The following NFIB variants were observed in gnomAD, a reference collection of about 807,000 sequenced individuals.
The protein encoded by NFIB is nuclear factor I B, also known as nuclear factor 1 B-type.
NFIB carries 11 observed loss-of-function variants against 61.5 expected under a neutral mutation model. The observed-to-expected ratio is 0.18, with a 90% CI of 0.11 to 0.30. The LOEUF is 0.30. Among genes scored for constraint, NFIB ranks in the 10% least tolerant of loss-of-function variants. The pLI is 1.00. For missense variants in NFIB, 471 were observed against 608.9 expected, an observed-to-expected ratio of 0.77 and a Z score of 2.38; for synonymous variants, 260 against 216.5, an observed-to-expected ratio of 1.20 and a Z score of -1.76.
At chr9:14,198,439 G>A (rs539597744) in intron 2 of NFIB, among the ~76,000 whole-genome samples, 4 of 152,338 alleles carry the variant, frequency 2.6e-5, no homozygotes, top group South Asian at 2.1e-4. Flanking sequence ...TTTGTTGTCA[G>A]TGGAGATCTG....
chr9:14,271,747 G>C (rs908153479), intron 2 of NFIB, among the ~76,000 whole-genome samples: 5 of 152,096 alleles, frequency 3.3e-5, no homozygotes, highest in Non-Finnish European at 5.9e-5. Context: ...AACACTGTAA[G>C]GTTGAATAAT....
At chr9:14,288,794 G>A (rs1315551173) in intron 2 of NFIB, among the ~76,000 whole-genome samples, 1 of 151,932 alleles carries the variant, frequency 6.6e-6, no homozygotes, top group Non-Finnish European at 1.5e-5. Context: ...ACTCGGACAA[G>A]GCCATCAGTA....
chr9:14,389,239 T>C (rs906580906), intron 1 of NFIB, among the ~76,000 whole-genome samples: 2 of 152,200 alleles, frequency 1.3e-5, no homozygotes, highest in Admixed American at 1.3e-4. Context: ...TATCTTTTCC[T>C]GGTGCTCATG....
At chr9:14,340,172 A>G (rs1395894357) in intron 1 of NFIB, among the ~76,000 whole-genome samples, 1 of 152,190 alleles carries the variant, frequency 6.6e-6, no homozygotes, top group Non-Finnish European at 1.5e-5. Context: ...TTGCTTCTAG[A>G]GGTTCTGATC....
chr9:14,417,844 G>A, the NFIB span, among the ~76,000 whole-genome samples: 5 of 142,952 alleles, frequency 3.5e-5, no homozygotes, highest in African/African-American at 5.2e-5. Flanking sequence ...GCAATGGTGC[G>A]ATCTCGGCTC....
At chr9:14,362,349 C>G (rs1248908151) in intron 1 of NFIB, 1 of 152,184 alleles carries the variant, frequency 6.6e-6, no homozygotes, top group African/African-American at 2.4e-5. Context: ...CCAACTCTGC[C>G]TGCCATAGTT....
chr9:14,477,477 C>T, the NFIB span, among the ~76,000 whole-genome samples: 1 of 152,130 alleles, frequency 6.6e-6, no homozygotes, highest in Non-Finnish European at 1.5e-5. Context: ...TTTTGAAATG[C>T]TTATCCATTT....
At chr9:14,167,790 T>C (rs1357227667) in intron 3 of NFIB, among the ~76,000 whole-genome samples, 2 of 152,188 alleles carry the variant, frequency 1.3e-5, no homozygotes, top group Non-Finnish European at 2.9e-5. Flanking sequence ...TCTAGAATGT[T>C]ATCTTACCAG....
chr9:14,231,133 A>AAAAAAAAAAATAT (rs2053118465), intron 2 of NFIB, among the ~76,000 whole-genome samples: 1 of 67,212 alleles, frequency 1.5e-5, no homozygotes, highest in Non-Finnish European at 2.8e-5. Flanking sequence ...AAAAAAAAAA[A>AAAAAAAAAAATAT]AAATATATAT....
At chr9:14,497,802 G>T in the NFIB span, among the ~76,000 whole-genome samples, 2 of 152,174 alleles carry the variant, frequency 1.3e-5, no homozygotes, top group African/African-American at 2.4e-5. Flanking sequence ...AACAATGCTT[G>T]CAGGAAGAGT....
the NFIB span, among the ~76,000 whole-genome samples, chr9:14,414,167 G>C: frequency 6.6e-6 from 1 of 152,140 alleles, no homozygotes; most frequent in Admixed American, 6.6e-5. Flanking sequence ...GCCGGGTGTG[G>C]TGGCTCACGT....
intron 2 of NFIB, among the ~76,000 whole-genome samples, chr9:14,286,888 G>T (rs2058740431): frequency 6.6e-6 from 1 of 152,130 alleles, no homozygotes; most frequent in South Asian, 2.1e-4. Context: ...CTCCCTACAT[G>T]TGCACAACAT....
At chr9:14,527,657 C>A in the NFIB span, among the ~76,000 whole-genome samples, 2 of 152,098 alleles carry the variant, frequency 1.3e-5, no homozygotes, top group African/African-American at 4.8e-5. Flanking sequence ...ATAGTATGTT[C>A]TTTACAGGTA....
chr9:14,401,456 G>A (rs946871981), upstream of NFIB, among the ~76,000 whole-genome samples: 3 of 152,120 alleles, frequency 2.0e-5, no homozygotes, highest in African/African-American at 7.2e-5. Flanking sequence ...CCATCGGCCT[G>A]GAAGCTACAA....
chr9:14,517,159 A>G, the NFIB span, among the ~76,000 whole-genome samples: 43 of 152,348 alleles, frequency 2.8e-4, no homozygotes, highest in Non-Finnish European at 4.0e-4. Context: ...AAAATTTCAC[A>G]TAATTTAATT....
At chr9:14,218,884 A>G (rs1415803640) in intron 2 of NFIB, among the ~76,000 whole-genome samples, 3 of 152,132 alleles carry the variant, frequency 2.0e-5, no homozygotes, top group Non-Finnish European at 4.4e-5. Flanking sequence ...TTTATTAAGT[A>G]CCTATTTGTT....
At chr9:14,507,908 C>G in the NFIB span, among the ~76,000 whole-genome samples, 1 of 151,766 alleles carries the variant, frequency 6.6e-6, no homozygotes, top group Non-Finnish European at 1.5e-5. Flanking sequence ...CTATGTGACA[C>G]AGGTTCAGCA....
chr9:14,306,691 TTG>T (rs1228424623), intron 2 of NFIB, among the ~76,000 whole-genome samples: 1 of 152,216 alleles, frequency 6.6e-6, no homozygotes, highest in African/African-American at 2.4e-5. Flanking sequence ...TGAACTATAT[TTG>T]TTAGACTACC....
intron 2 of NFIB, among the ~76,000 whole-genome samples, chr9:14,296,007 T>A (rs2059421263): frequency 6.6e-6 from 1 of 152,226 alleles, no homozygotes; most frequent in South Asian, 2.1e-4. Context: ...CACAACTAGC[T>A]AACTTCATGT....
Sources: gnomAD v4.1 joint callset for allele counts (sites outside exome capture counted in the v4.1 genomes callset) on GRCh38, gnomAD v4.1.1 for gene constraint, MANE v1.5 for transcripts, NCBI Gene and HGNC (gene_info 2026-07-23, HGNC 2026-07-21) for gene names.